ARB2A: variants seen among roughly 807,000 people sequenced by gnomAD.
ARB2A encodes the protein cotranscriptional regulator ARB2A.
the ARB2A span, chr5:94,074,670 T>C: frequency 6.2e-7 from 1 of 1,612,642 alleles, no homozygotes; most frequent in Non-Finnish European, 8.5e-7. Context: ...GTCTTTTCTT[T>C]TTCATCTGGA....
chr5:94,096,691 G>C, the ARB2A span, among the ~76,000 whole-genome samples: 1 of 152,276 alleles, frequency 6.6e-6, no homozygotes, highest in Admixed American at 6.5e-5. Context: ...ACGATGGCCA[G>C]CTAAAAGGAG....
chr5:94,066,543 A>G, the ARB2A span, among the ~76,000 whole-genome samples: 3 of 152,084 alleles, frequency 2.0e-5, no homozygotes, highest in African/African-American at 7.2e-5. Flanking sequence ...AGAAAAGGTC[A>G]TAACAGACTA....
chr5:93,637,957 T>A, the ARB2A span, among the ~76,000 whole-genome samples: 1 of 152,316 alleles, frequency 6.6e-6, no homozygotes, highest in African/African-American at 2.4e-5. Flanking sequence ...GGTTAACATG[T>A]CAAAGTAACT....
the ARB2A span, among the ~76,000 whole-genome samples, chr5:93,929,378 G>GT: frequency 6.6e-6 from 1 of 152,098 alleles, no homozygotes; most frequent in Non-Finnish European, 1.5e-5. Flanking sequence ...CCTCAAGAAT[G>GT]TGACAGCTGG....
chr5:94,066,324 TAA>T, the ARB2A span, among the ~76,000 whole-genome samples: 1 of 149,350 alleles, frequency 6.7e-6, no homozygotes, highest in Non-Finnish European at 1.5e-5. Context: ...GATAAAATAA[TAA>T]AGAGCAGAAT....
chr5:93,672,054 C>T, the ARB2A span, among the ~76,000 whole-genome samples: 6 of 152,242 alleles, frequency 3.9e-5, no homozygotes, highest in East Asian at 5.8e-4. Flanking sequence ...GGGTCTAAGT[C>T]GTGTTGAGAA....
the ARB2A span, among the ~76,000 whole-genome samples, chr5:93,703,906 C>T: frequency 6.6e-6 from 1 of 152,158 alleles, no homozygotes; most frequent in South Asian, 2.1e-4. Flanking sequence ...GAAAACAGCA[C>T]CCTATCAGCA....
the ARB2A span, among the ~76,000 whole-genome samples, chr5:93,758,827 C>T: frequency 2.0e-5 from 3 of 152,100 alleles, no homozygotes; most frequent in South Asian, 4.2e-4. Flanking sequence ...TAAGGTCATA[C>T]CTCAAGGAAC....
the ARB2A span, among the ~76,000 whole-genome samples, chr5:93,895,726 T>C: frequency 6.6e-6 from 1 of 152,082 alleles, no homozygotes; most frequent in African/African-American, 2.4e-5. Context: ...CAAAGTAATA[T>C]GATAAATCTC....
At chr5:93,698,790 A>G in the ARB2A span, among the ~76,000 whole-genome samples, 1 of 152,214 alleles carries the variant, frequency 6.6e-6, no homozygotes, top group African/African-American at 2.4e-5. Flanking sequence ...TTGAAGCAAT[A>G]ATGATTATAA....
At chr5:93,779,593 T>C in the ARB2A span, among the ~76,000 whole-genome samples, 2 of 152,170 alleles carry the variant, frequency 1.3e-5, no homozygotes, top group African/African-American at 4.8e-5. Context: ...AAGGTACCAA[T>C]AGTGCCATGC....
the ARB2A span, chr5:94,050,937 AAC>A: frequency 1.9e-5 from 15 of 785,842 alleles, no homozygotes; most frequent in Non-Finnish European, 2.7e-5. Context: ...ACTTTCTCAG[AAC>A]AGTTTATCTT....
chr5:93,908,658 A>G, the ARB2A span, among the ~76,000 whole-genome samples: 3 of 151,170 alleles, frequency 2.0e-5, no homozygotes, highest in Middle Eastern at 7.2e-3. Flanking sequence ...CTATTCTATT[A>G]GAATGTAATG....
At chr5:94,108,320 C>T in the ARB2A span, among the ~76,000 whole-genome samples, 45 of 151,844 alleles carry the variant, frequency 3.0e-4, no homozygotes, top group African/African-American at 1.0e-3. Context: ...GCTTTCTGAA[C>T]TGTTTTCATG....
At chr5:93,727,588 T>A in the ARB2A span, among the ~76,000 whole-genome samples, 1 of 152,032 alleles carries the variant, frequency 6.6e-6, no homozygotes, top group Admixed American at 6.6e-5. Context: ...ACCTTCTGGC[T>A]CTTCTCTGTA....
At chr5:94,018,352 TG>T in the ARB2A span, among the ~76,000 whole-genome samples, 2 of 152,342 alleles carry the variant, frequency 1.3e-5, no homozygotes, top group East Asian at 3.9e-4. Flanking sequence ...TCCCTTCATC[TG>T]GGAAGGATCA....
chr5:93,823,238 C>G, the ARB2A span, among the ~76,000 whole-genome samples: 2 of 152,174 alleles, frequency 1.3e-5, no homozygotes, highest in East Asian at 3.8e-4. Context: ...GATTATATCA[C>G]ATTAACCATG....
At chr5:93,775,758 T>G in the ARB2A span, among the ~76,000 whole-genome samples, 3 of 152,252 alleles carry the variant, frequency 2.0e-5, no homozygotes, top group Non-Finnish European at 4.4e-5. Flanking sequence ...AGTATTTTTT[T>G]CTAAGGTCTC....
At chr5:93,849,526 C>T in the ARB2A span, among the ~76,000 whole-genome samples, 1 of 151,958 alleles carries the variant, frequency 6.6e-6, no homozygotes, top group Non-Finnish European at 1.5e-5. Flanking sequence ...TTTAAACCTC[C>T]ATAACTCTGT....
Sources: allele counts gnomAD v4.1 joint callset (sites outside exome capture counted in the v4.1 genomes callset), GRCh38; gene constraint gnomAD v4.1.1; transcripts MANE v1.5; gene names NCBI Gene and HGNC (gene_info 2026-07-23, HGNC 2026-07-21).